KLHL29: variants seen among roughly 807,000 people sequenced by gnomAD.
KLHL29 encodes kelch like family member 29, also known as kelch-like protein 29.
In KLHL29, 21 loss-of-function variants were observed where a neutral mutation model predicts 80.4. The observed-to-expected ratio is 0.26, with a 90% CI of 0.19 to 0.38. KLHL29 has a LOEUF of 0.38. Among genes scored for constraint, KLHL29 ranks in the 10% least tolerant of loss-of-function variants. The probability of loss-of-function intolerance (pLI) is 1.00; values close to 1 mark genes in which losing one functional copy is unlikely to be tolerated. For missense variants in KLHL29, 867 were observed against 1,223.9 expected, an observed-to-expected ratio of 0.71 and a Z score of 4.35; for synonymous variants, 511 against 526.8, an observed-to-expected ratio of 0.97 and a Z score of 0.41.
At chr2:23,625,806 T>C (rs1235809117) in intron 3 of KLHL29, among the ~76,000 whole-genome samples, 1 of 152,150 alleles carries the variant, frequency 6.6e-6, no homozygotes, top group Non-Finnish European at 1.5e-5. Context: ...AATTAGGTTT[T>C]GATGAGATTG....
intron 5 of KLHL29, among the ~76,000 whole-genome samples, chr2:23,656,624 A>G (rs1472388356): frequency 6.6e-6 from 1 of 152,260 alleles, no homozygotes; most frequent in Non-Finnish European, 1.5e-5. Context: ...AAGTTCTTCC[A>G]GACTGCACAG....
intron 1 of KLHL29, among the ~76,000 whole-genome samples, chr2:23,448,932 C>T (rs147633011): frequency 7.3e-4 from 111 of 152,258 alleles, no homozygotes; most frequent in African/African-American, 2.6e-3. Context: ...AGGAATAGGT[C>T]GTTGTCATTT....
intron 2 of KLHL29, among the ~76,000 whole-genome samples, chr2:23,493,210 C>G (rs9808369): frequency 0.22 from 32,806 of 152,066 alleles, 3,737 homozygotes; most frequent in African/African-American, 0.26. Flanking sequence ...CCTGTTAGCA[C>G]AGCTCCCAGG....
At chr2:23,472,126 G>A (rs542023553) in intron 1 of KLHL29, among the ~76,000 whole-genome samples, 45 of 150,060 alleles carry the variant, frequency 3.0e-4, no homozygotes, top group African/African-American at 9.8e-4. Context: ...ACTGCAAGGC[G>A]TGGGGGTTGG....
intron 3 of KLHL29, among the ~76,000 whole-genome samples, chr2:23,606,064 C>T (rs531771309): frequency 2.0e-5 from 3 of 152,106 alleles, no homozygotes; most frequent in South Asian, 2.1e-4. Flanking sequence ...CCATGGTGCC[C>T]AGCCAAGGGA....
At chr2:23,431,763 G>T (rs1203637487) in intron 1 of KLHL29, among the ~76,000 whole-genome samples, 1 of 151,672 alleles carries the variant, frequency 6.6e-6, no homozygotes, top group African/African-American at 2.4e-5. Context: ...GCGTTGTGGC[G>T]GGCGCCTGTA....
At position 23,485,908 on chromosome 2, in the gene KLHL29, C is replaced by T. The variant is rs139774339; in HGVS notation, c.-46+10241C>T. 3.3e-4 allele frequency among the ~76,000 whole-genome samples: 51 copies of T among 152,344 alleles called. No homozygotes were observed. The East Asian group carries it at 9.2e-3, about 28-fold the overall frequency. ...CCTAGAATAGTGCGTAAGACATGTA[C>T]AAGGCTTTGCTCTTATTATTCTAAA... is the stretch of plus-strand genomic sequence containing the variant. On this transcript the variant is annotated intron_variant, in intron 2 of 13. Coordinates refer to ENST00000486442, the MANE Select transcript of KLHL29 (RefSeq NM_052920.2).
chr2:23,602,613 A>ATT (rs3028904), intron 3 of KLHL29, among the ~76,000 whole-genome samples: 13 of 140,328 alleles, frequency 9.3e-5, no homozygotes, highest in African/African-American at 2.4e-4. Context: ...CTCTACGTGA[A>ATT]TTTTTTTTTT....
intron 2 of KLHL29, among the ~76,000 whole-genome samples, chr2:23,560,815 G>A (rs531020633): frequency 6.6e-6 from 1 of 152,324 alleles, no homozygotes; most frequent in African/African-American, 2.4e-5. Flanking sequence ...TGCTTGGGTT[G>A]GGCACAGGCC....
intron 1 of KLHL29, among the ~76,000 whole-genome samples, chr2:23,425,281 C>T (rs562894270): frequency 6.6e-6 from 1 of 152,038 alleles, no homozygotes; most frequent in East Asian, 1.9e-4. Flanking sequence ...GTTCATTAGT[C>T]AAAAACAGAA....
intron 1 of KLHL29, among the ~76,000 whole-genome samples, chr2:23,392,156 T>C (rs1030907): frequency 0.76 from 115,590 of 152,176 alleles, 44,048 homozygotes; most frequent in South Asian, 0.85. Flanking sequence ...GGGAAGTGCT[T>C]TGCAAAGGGG....
chr2:23,603,576 A>C (rs1668628100), intron 3 of KLHL29, among the ~76,000 whole-genome samples: 1 of 152,204 alleles, frequency 6.6e-6, no homozygotes, highest in Non-Finnish European at 1.5e-5. Context: ...TGGAATAAAA[A>C]TTCTGAAAGT....
chr2:23,483,975 A>G (rs1374063531), intron 2 of KLHL29, among the ~76,000 whole-genome samples: 2 of 152,182 alleles, frequency 1.3e-5, no homozygotes, highest in Non-Finnish European at 2.9e-5. Context: ...GTGTCAAGCC[A>G]GGCATTGACC....
intron 1 of KLHL29, among the ~76,000 whole-genome samples, chr2:23,387,018 G>A (rs1666199847): frequency 6.6e-6 from 1 of 152,150 alleles, no homozygotes; most frequent in Non-Finnish European, 1.5e-5. Context: ...GGCCCCCAGA[G>A]ATGCTGATGG....
rs566407791 is a variant in KLHL29 at position 23,647,128 on chromosome 2, C to T, written c.940+4278C>T. Among the ~76,000 whole-genome samples the T allele has an allele frequency of 6.6e-6, 1 of 152,282 alleles. No individual in the cohort carries two copies. The highest frequency in any genetic ancestry group is 1.9e-4 in the East Asian group (1 of 5,180). ...AAGCCATTTAACTTAGGGATGGGGACCCCTTCCCTAAAAGGGAGGTGGGAT... is the reference window on the plus strand; with the variant it reads ...AAGCCATTTAACTTAGGGATGGGGATCCCTTCCCTAAAAGGGAGGTGGGAT... On this transcript the variant is annotated intron_variant, in intron 5 of 13. Coordinates refer to ENST00000486442, the MANE Select transcript of KLHL29 (RefSeq NM_052920.2). This position sits in a 1 kb window ranked among gnomAD's most constrained non-coding sequence, Gnocchi z 4.9.
chr2:23,524,165 G>A (rs1666207980), intron 2 of KLHL29: 1 of 408,150 alleles, frequency 2.5e-6, no homozygotes, highest in Non-Finnish European at 5.1e-6. Flanking sequence ...TGCTGGAGCG[G>A]GGGATGACTT....
rs1255655901 is a variant in KLHL29 at position 23,695,348 on chromosome 2, G to T, written c.1543-275G>T. ...GCCCCAGGTGGAGTGAGAGAATGGG[G>T]TGCTGGGGGGATGAACACATGCTCC... is the stretch of plus-strand genomic sequence containing the variant. On this transcript the variant is annotated intron_variant, in intron 8 of 13. Coordinates refer to ENST00000486442, the MANE Select transcript of KLHL29 (RefSeq NM_052920.2). This position sits in a 1 kb window ranked among gnomAD's most constrained non-coding sequence, Gnocchi z 7.6. Among the ~76,000 whole-genome samples, 5 of 152,096 alleles carry T rather than the reference G, an allele frequency of 3.3e-5. No individual in the cohort carries two copies. The highest frequency in any genetic ancestry group is 1.2e-4 in the African/African-American group (5 of 41,416).
intron 5 of KLHL29, among the ~76,000 whole-genome samples, chr2:23,683,430 G>C (rs1572493097): frequency 6.6e-6 from 1 of 152,206 alleles, no homozygotes. Flanking sequence ...GGGGAGCAGT[G>C]GTCAACTGAA....
At chr2:23,471,225 G>T (rs1279788347) in intron 1 of KLHL29, among the ~76,000 whole-genome samples, 2 of 152,174 alleles carry the variant, frequency 1.3e-5, no homozygotes, top group African/African-American at 4.8e-5. Context: ...GGAGAGTGTG[G>T]TTACGACCCT....
Sources: allele counts gnomAD v4.1 joint callset (sites outside exome capture counted in the v4.1 genomes callset), GRCh38; gene constraint gnomAD v4.1.1; non-coding constraint Gnocchi (gnomAD v3.1); transcripts MANE v1.5; gene names NCBI Gene and HGNC (gene_info 2026-07-23, HGNC 2026-07-21).